Variants in ALK observed in about 807,000 individuals in gnomAD.
The protein encoded by ALK is ALK tyrosine kinase receptor.
A neutral mutation model predicts 163.1 loss-of-function variants in ALK; 74 were observed. That is an observed-to-expected ratio of 0.45 (90% CI 0.38 to 0.55). The LOEUF is 0.55. Ranked by LOEUF, ALK falls within the 20% of genes least tolerant of loss-of-function variation. The pLI is 0.00. For synonymous variants in ALK, 960 were observed against 843.2 expected (o/e 1.14, Z -2.40); for missense variants, 2,063 against 2,105.3 (o/e 0.98, Z 0.39).
intron 1 of ALK, among the ~76,000 whole-genome samples, chr2:29,757,656 T>A (rs961328545): frequency 6.6e-6 from 1 of 151,740 alleles, no homozygotes; most frequent in African/African-American, 2.4e-5. Context: ...ATAATAAACT[T>A]TGGATTTTGT....
intron 4 of ALK, among the ~76,000 whole-genome samples, chr2:29,408,113 C>T (rs544827985): frequency 6.1e-5 from 9 of 147,710 alleles, no homozygotes; most frequent in Non-Finnish European, 7.4e-5. Context: ...GATGGAGTCT[C>T]GCTCTGTCAC....
intron 1 of ALK, among the ~76,000 whole-genome samples, chr2:29,731,432 A>G (rs996262505): frequency 2.6e-5 from 4 of 152,180 alleles, no homozygotes; most frequent in Admixed American, 6.5e-5. Flanking sequence ...GCTTTTGGCA[A>G]TGACTCCAGG....
intron 4 of ALK, among the ~76,000 whole-genome samples, chr2:29,427,856 T>C (rs552374388): frequency 6.6e-6 from 1 of 152,200 alleles, no homozygotes; most frequent in Admixed American, 6.5e-5. Flanking sequence ...AAACTTTCTC[T>C]GGGATAGACC....
At position 29,682,405 on chromosome 2, in the gene ALK, A is replaced by G. The variant is rs76201926; in HGVS notation, c.952+12445T>C. Among the ~76,000 whole-genome samples, 372 of 152,234 alleles carry G rather than the reference A, an allele frequency of 2.4e-3. 5 individuals carry two copies. The East Asian group carries it at 0.057, about 23-fold the overall frequency. On this transcript the variant is annotated intron_variant, in intron 3 of 28. Transcript: ENST00000389048. ...TTTTATATTCCCAGTGCTCTGACCT[A>G]TTTTACAGTTAAAGGCTCCAAATAG...
chr2:29,752,347 T>C (rs1228829413), intron 1 of ALK, among the ~76,000 whole-genome samples: 1 of 143,934 alleles, frequency 6.9e-6, no homozygotes, highest in Non-Finnish European at 1.5e-5. Flanking sequence ...TATTTTCTTT[T>C]CTTTTTTTTT....
Position 29,863,200 on chromosome 2 carries a change from T to C in ALK, c.667+56793A>G, listed in dbSNP as rs76266077. ...AGAGGAAAAGCTTTTTGACATTCAT[T>C]TGGGCAATGTTTTCTTGGATATAAC... On this transcript the variant is annotated intron_variant, in intron 1 of 28. Coordinates refer to ENST00000389048, the MANE Select transcript of ALK (RefSeq NM_004304.5). Among the ~76,000 whole-genome samples the C allele has an allele frequency of 3.0e-3, 463 of 152,286 alleles. 1 individual carries two copies. Among genetic ancestry groups the C allele is most frequent in the Non-Finnish European group, 3.8e-3 (259 of 68,002 alleles).
At chr2:29,779,442 G>A (rs144621571) in intron 1 of ALK, among the ~76,000 whole-genome samples, 14 of 152,264 alleles carry the variant, frequency 9.2e-5, no homozygotes, top group Admixed American at 3.3e-4. Flanking sequence ...CAAATACCTC[G>A]AGGGGGCTTT....
At chr2:29,909,974 C>A (rs112737204) in intron 1 of ALK, among the ~76,000 whole-genome samples, 4,032 of 134,940 alleles carry the variant, frequency 0.03, 212 homozygotes, top group African/African-American at 0.11. Context: ...CATAATGCAC[C>A]ACACCAAAAA....
chr2:29,645,733 T>A (rs2148249469), intron 3 of ALK, among the ~76,000 whole-genome samples: 1 of 152,190 alleles, frequency 6.6e-6, no homozygotes, highest in East Asian at 1.9e-4. Context: ...ATGCTCTTCC[T>A]TGGCCATAGA....
At chr2:29,232,994 G>A (rs2148183972) in intron 14 of ALK, among the ~76,000 whole-genome samples, 1 of 152,270 alleles carries the variant, frequency 6.6e-6, no homozygotes, top group South Asian at 2.1e-4. Flanking sequence ...GGTCCAGGAG[G>A]GCACAGTGGG....
chr2:29,703,905 G>A (rs945937649), intron 2 of ALK, among the ~76,000 whole-genome samples: 3 of 152,148 alleles, frequency 2.0e-5, no homozygotes, highest in African/African-American at 7.2e-5. Flanking sequence ...AGTGTGGAGG[G>A]CATTTCTCCT....
In ALK at chr2:29,294,765, A is replaced by C. The variant is rs144233674; in HGVS notation, c.1817+2123T>G. Among the ~76,000 whole-genome samples the C allele has an allele frequency of 2.6e-3, 401 of 152,306 alleles. 2 individuals carry two copies. Among genetic ancestry groups the C allele is most frequent in the Middle Eastern group, 0.014 (4 of 294 alleles). ...CTGATGAGGACACTGAGGCTCAGAG[A>C]GCTTAAGTAATTGGCTGAGGTCACA... is the stretch of plus-strand genomic sequence containing the variant. On this transcript the variant is annotated intron_variant, in intron 9 of 28. Transcript: ENST00000389048.
chr2:29,398,094 CTGA>C (rs1430521415), intron 4 of ALK, among the ~76,000 whole-genome samples: 1 of 152,140 alleles, frequency 6.6e-6, no homozygotes, highest in Non-Finnish European at 1.5e-5. Flanking sequence ...TTAAGGGATG[CTGA>C]GCCTGCATGA....
rs1667005730 is a variant in ALK at position 29,320,683 on chromosome 2, T to C, written c.1546+68A>G. ...CTGCAGGTGGGGTGAAGTCCAGCCC[T>C]GAGTCTCCCATCTGTCTATGTGGGC... On this transcript the variant is annotated intron_variant, in intron 7 of 28. Coordinates refer to ENST00000389048, the MANE Select transcript of ALK (RefSeq NM_004304.5). 5 of 1,607,994 alleles carry C rather than the reference T, an allele frequency of 3.1e-6. No homozygotes were observed. The South Asian group carries it at 3.3e-5, about 11-fold the overall frequency.
intron 4 of ALK, among the ~76,000 whole-genome samples, chr2:29,503,648 T>A (rs1044325613): frequency 6.6e-6 from 1 of 152,022 alleles, no homozygotes; most frequent in Non-Finnish European, 1.5e-5. Flanking sequence ...GGCTTAAGAA[T>A]CCCAGCCCAG....
rs143126387 is a variant in ALK at position 29,751,683 on chromosome 2, C to T, written c.668-33986G>A. Among the ~76,000 whole-genome samples, 11 of 152,168 alleles carry T rather than the reference C, an allele frequency of 7.2e-5. No individual in the cohort carries two copies. The East Asian group carries it at 1.5e-3, about 21-fold the overall frequency. On this transcript the variant is annotated intron_variant, in intron 1 of 28. Coordinates refer to ENST00000389048, the MANE Select transcript of ALK (RefSeq NM_004304.5). ...CTGCTTGTATGAAGCACCATTTTAC[C>T]GAAACTTAGGGACAATTCTGAGGCA...
Position 29,397,886 on chromosome 2 carries a change from T to C in ALK, c.1155-14027A>G, listed in dbSNP as rs143979139. 5.7e-3 allele frequency among the ~76,000 whole-genome samples: 873 copies of C among 152,364 alleles called. 6 individuals carry two copies. The highest frequency in any genetic ancestry group is 8.8e-3 in the Non-Finnish European group (601 of 68,036). On this transcript the variant is annotated intron_variant, in intron 4 of 28. Transcript: ENST00000389048. Reference sequence around the variant, plus strand: ...TTTAAGCCATGCTTGAGGAAACTAATGGAATTTGGAATTCAGAATTCAGGC... The same window carrying C: ...TTTAAGCCATGCTTGAGGAAACTAACGGAATTTGGAATTCAGAATTCAGGC...
intron 1 of ALK, among the ~76,000 whole-genome samples, chr2:29,818,068 C>T (rs1664946147): frequency 1.3e-5 from 2 of 152,176 alleles, no homozygotes; most frequent in Non-Finnish European, 1.5e-5. Context: ...ACCCTCTTGG[C>T]TCGCCAAACT....
At chr2:29,457,893 C>T (rs888614900) in intron 4 of ALK, among the ~76,000 whole-genome samples, 3 of 152,126 alleles carry the variant, frequency 2.0e-5, no homozygotes, top group African/African-American at 7.2e-5. Flanking sequence ...AAATCCTTCA[C>T]ACATACTTTT....
Sources: allele counts gnomAD v4.1 joint callset (sites outside exome capture counted in the v4.1 genomes callset), GRCh38; gene constraint gnomAD v4.1.1; transcripts MANE v1.5; gene names NCBI Gene and HGNC (gene_info 2026-07-23, HGNC 2026-07-21).